RBM47: variants seen among roughly 807,000 people sequenced by gnomAD.
The protein encoded by RBM47 is RNA-binding protein 47.
Under a neutral mutation model 47.1 loss-of-function variants are expected in RBM47, and 21 were observed. That is an observed-to-expected ratio of 0.45 (90% CI 0.32 to 0.64). RBM47 has a LOEUF of 0.64. Among genes scored for constraint, RBM47 ranks in the 30% least tolerant of loss-of-function variants. The probability of loss-of-function intolerance (pLI) is 0.05; values close to 1 mark genes in which losing one functional copy is unlikely to be tolerated. For synonymous variants in RBM47, 375 were observed against 361.7 expected, an observed-to-expected ratio of 1.04 and a Z score of -0.42; for missense variants, 708 against 870.9, an observed-to-expected ratio of 0.81 and a Z score of 2.35.
At chr4:40,552,083 G>T (rs572475161) in intron 1 of RBM47, among the ~76,000 whole-genome samples, 49 of 152,136 alleles carry the variant, frequency 3.2e-4, no homozygotes, top group African/African-American at 1.1e-3. Flanking sequence ...AAAACATAGA[G>T]GCCCTAAGAC....
intron 3 of RBM47, among the ~76,000 whole-genome samples, chr4:40,451,862 C>G (rs1361998440): frequency 1.3e-5 from 2 of 152,044 alleles, no homozygotes; most frequent in Non-Finnish European, 2.9e-5. Flanking sequence ...CACAGTCTGG[C>G]AAGGGTAGAT....
intron 1 of RBM47, among the ~76,000 whole-genome samples, chr4:40,561,153 T>A (rs1345131496): frequency 6.6e-6 from 1 of 151,808 alleles, no homozygotes; most frequent in African/African-American, 2.4e-5. Context: ...CCAGAGAGAT[T>A]ATCTTATTAT....
Position 40,438,354 on chromosome 4 carries a change from G to T in RBM47, c.540C>A (p.Asp180Glu), listed in dbSNP as rs772424792. ...EIAKVTEGVL[D>E]VIVYASAADK... ...CGGCCGCGCTGGCGTAGACGATCAC[G>T]TCCAGCACGCCCTCGGTGACCTTGG... The change falls in exon 4 of 7, where the codon GAC (aspartate) becomes GAA (glutamate). Residue 180 changes from aspartate (D) to glutamate (E), a missense_variant. By Grantham distance (45) the Asp-to-Glu change is conservative. Coordinates refer to ENST00000295971, the MANE Select transcript of RBM47 (RefSeq NM_001098634.2). The T allele has an allele frequency of 1.9e-6, 3 of 1,611,670 alleles. No individual in the cohort carries two copies. The South Asian group carries it at 3.3e-5, about 18-fold the overall frequency.
At chr4:40,604,501 C>T (rs569351834) in intron 1 of RBM47, among the ~76,000 whole-genome samples, 1 of 152,206 alleles carries the variant, frequency 6.6e-6, no homozygotes, top group African/African-American at 2.4e-5. Context: ...GTGGTACCTG[C>T]CTGTAGTCTC....
At chr4:40,596,901 G>C (rs1326814816) in intron 1 of RBM47, among the ~76,000 whole-genome samples, 1 of 152,146 alleles carries the variant, frequency 6.6e-6, no homozygotes, top group East Asian at 1.9e-4. Flanking sequence ...AGAGGTGTTT[G>C]TTGTACCTTT....
rs146438830 is a variant in RBM47, at chr4:40,620,410, C to A, written c.-240+8986G>T. 0.012 allele frequency among the ~76,000 whole-genome samples: 1,877 copies of A among 151,802 alleles called. 83 individuals carry two copies. The East Asian group carries it at 0.14, about 11-fold the overall frequency. On this transcript the variant is annotated intron_variant, in intron 1 of 6. Coordinates refer to ENST00000295971, the MANE Select transcript of RBM47 (RefSeq NM_001098634.2). ...ATCCCAGCTAGCCAGGAGGCTGAGG[C>A]AGGAGAATGGCTTGAGCCTGGGAGG...
intron 1 of RBM47, among the ~76,000 whole-genome samples, chr4:40,552,854 T>C (rs1729694301): frequency 6.6e-6 from 1 of 152,216 alleles, no homozygotes; most frequent in Non-Finnish European, 1.5e-5. Flanking sequence ...CCACCTGGAA[T>C]TTCCTTTCCC....
At position 40,438,808 on chromosome 4, in the gene RBM47, G is replaced by A. The variant is rs773284491; in HGVS notation, c.86C>T (p.Ala29Val). 3 of 1,545,940 alleles carry A rather than the reference G, an allele frequency of 1.9e-6. No individual in the cohort carries two copies. The highest frequency in any genetic ancestry group is 1.9e-5 in the Admixed American group (1 of 51,528). ...SAKVPEGVAGAPNEAALLALM... is the reference protein window; with the variant it reads ...SAKVPEGVAGVPNEAALLALM... ...CGCCAGCAGTGCTGCCTCGTTGGGCGCGCCCGCCACGCCCTCGGGCACCTT... is the reference window on the plus strand; with the variant it reads ...CGCCAGCAGTGCTGCCTCGTTGGGCACGCCCGCCACGCCCTCGGGCACCTT... The change falls in exon 4 of 7, where the codon GCG becomes GTG. Residue 29 changes from alanine (A) to valine (V), a missense_variant. By Grantham distance (64) the Ala-to-Val change is moderately conservative. Coordinates refer to ENST00000295971, the MANE Select transcript of RBM47 (RefSeq NM_001098634.2).
intron 3 of RBM47, among the ~76,000 whole-genome samples, chr4:40,465,744 G>A (rs1163717297): frequency 6.6e-6 from 1 of 152,056 alleles, no homozygotes; most frequent in Non-Finnish European, 1.5e-5. Flanking sequence ...GTCCTACTTG[G>A]AGAAGATTAA....
At chr4:40,530,350 C>T (rs1486402936) in intron 2 of RBM47, among the ~76,000 whole-genome samples, 3 of 152,092 alleles carry the variant, frequency 2.0e-5, no homozygotes, top group African/African-American at 7.2e-5. Context: ...GTTGCCCAGG[C>T]TGTAGTGCAG....
At chr4:40,549,178 G>A (rs760536982) in intron 1 of RBM47, among the ~76,000 whole-genome samples, 2 of 150,580 alleles carry the variant, frequency 1.3e-5, no homozygotes, top group Non-Finnish European at 2.9e-5. Context: ...TGCAACCTCC[G>A]CCCCCTGGGT....
intron 1 of RBM47, among the ~76,000 whole-genome samples, chr4:40,604,065 C>T (rs1348247794): frequency 6.6e-6 from 1 of 152,232 alleles, no homozygotes; most frequent in Non-Finnish European, 1.5e-5. Flanking sequence ...CGATCCATAA[C>T]ACCTACCATC....
chr4:40,536,600 G>T (rs141857329), intron 2 of RBM47, among the ~76,000 whole-genome samples: 1 of 152,046 alleles, frequency 6.6e-6, no homozygotes, highest in Non-Finnish European at 1.5e-5. Context: ...GACCTCTTCC[G>T]TTTAGGTAGA....
In RBM47 at chr4:40,500,261, C is replaced by T. The variant is rs189239912; in HGVS notation, c.-154-33562G>A. 5.9e-5 allele frequency among the ~76,000 whole-genome samples: 9 copies of T among 151,314 alleles called. No homozygotes were observed. The East Asian group carries it at 9.8e-4, about 16-fold the overall frequency. On this transcript the variant is annotated intron_variant, in intron 2 of 6. Coordinates refer to ENST00000295971, the MANE Select transcript of RBM47 (RefSeq NM_001098634.2). ...CCTGGAGGTGGAGGTTGCAGTGAGC[C>T]GAGATCGTGCCACTGCACTCCAGCC...
chr4:40,519,780 C>T (rs1233660776), intron 2 of RBM47, among the ~76,000 whole-genome samples: 1 of 151,112 alleles, frequency 6.6e-6, no homozygotes. Flanking sequence ...AGCAATTCTC[C>T]TGCCTAAGCC....
chr4:40,555,526 A>G (rs1434805259), intron 1 of RBM47, among the ~76,000 whole-genome samples: 3 of 152,234 alleles, frequency 2.0e-5, no homozygotes, highest in Non-Finnish European at 4.4e-5. Context: ...GCAACATATT[A>G]TCTTTCTAAA....
In RBM47 at chr4:40,425,724, T is replaced by C. The variant is rs2154207610; in HGVS notation, c.*180A>G. Reference sequence around the variant, plus strand: ...ATGTATGAACGTAGGCATGCTAAGTTGAAAATAGTCTTAAAAAACTAGTGA... The same window carrying C: ...ATGTATGAACGTAGGCATGCTAAGTCGAAAATAGTCTTAAAAAACTAGTGA... On this transcript the variant is annotated 3_prime_UTR_variant, in exon 7 of 7. Transcript: ENST00000295971. The C allele has an allele frequency of 3.3e-6, 3 of 906,110 alleles. No homozygotes were observed. The highest frequency in any genetic ancestry group is 1.7e-5 in the African/African-American group (1 of 59,564). 56.1% of individuals were successfully genotyped at this position (906,110 alleles called of 1,614,324 possible).
At position 40,511,664 on chromosome 4, in the gene RBM47, T is replaced by C. The variant is rs145438169; in HGVS notation, c.-155+32758A>G. On this transcript the variant is annotated intron_variant, in intron 2 of 6. Coordinates refer to ENST00000295971, the MANE Select transcript of RBM47 (RefSeq NM_001098634.2). ...AGTTTCTTACAATTCCTCATGGAAA[T>C]ACTAAATCGGGCTGGGCACAGGGGC... Among the ~76,000 whole-genome samples the C allele has an allele frequency of 1.6e-3, 246 of 152,236 alleles. 1 individual carries two copies. The highest frequency in any genetic ancestry group is 5.1e-3 in the African/African-American group (212 of 41,552).
chr4:40,447,060 C>T (rs1714645940), intron 3 of RBM47, among the ~76,000 whole-genome samples: 3 of 152,150 alleles, frequency 2.0e-5, no homozygotes, highest in Admixed American at 2.0e-4. Flanking sequence ...TGCAGAAGCT[C>T]TCCCAGAAAG....
Sources: gnomAD v4.1 joint callset for allele counts (sites outside exome capture counted in the v4.1 genomes callset) on GRCh38, gnomAD v4.1.1 for gene constraint, MANE v1.5 for transcripts, NCBI Gene and HGNC (gene_info 2026-07-23, HGNC 2026-07-21) for gene names.